TBC1D22A: variants seen among roughly 807,000 people sequenced by gnomAD.
The protein encoded by TBC1D22A is putative GTPase activator.
A neutral mutation model predicts 60.2 loss-of-function variants in TBC1D22A; 38 were observed. The ratio of observed to expected loss-of-function variants is 0.63; its 90% CI spans 0.49 to 0.83. TBC1D22A has a LOEUF of 0.83. Ranked by LOEUF, TBC1D22A falls within the 40% of genes least tolerant of loss-of-function variation. The pLI is 0.00. For synonymous variants in TBC1D22A, 302 were observed against 281.7 expected (o/e 1.07, Z -0.72); for missense variants, 628 against 701.0 (o/e 0.90, Z 1.18).
chr22:46,790,531 CCT>C (rs1227922020), intron 1 of TBC1D22A, among the ~76,000 whole-genome samples: 13 of 152,146 alleles, frequency 8.5e-5, no homozygotes. Flanking sequence ...AAGAAGGAAT[CCT>C]CTGTTTACAA....
At chr22:46,973,447 C>T (rs998038565) in intron 8 of TBC1D22A, among the ~76,000 whole-genome samples, 1 of 152,230 alleles carries the variant, frequency 6.6e-6, no homozygotes, top group East Asian at 1.9e-4. Context: ...CAGCATCATC[C>T]GTATCAGGAT....
chr22:47,085,781 C>T (rs1046213848), intron 11 of TBC1D22A, among the ~76,000 whole-genome samples: 2 of 152,112 alleles, frequency 1.3e-5, no homozygotes, highest in Admixed American at 6.5e-5. Context: ...AAAAAAGGGC[C>T]AAGGATTCAA....
chr22:46,805,008 TG>T (rs1420979986), intron 4 of TBC1D22A, among the ~76,000 whole-genome samples: 8 of 152,218 alleles, frequency 5.3e-5, no homozygotes, highest in African/African-American at 1.9e-4. Flanking sequence ...AGGGCGAGTA[TG>T]GCAGGATCCC....
chr22:47,079,167 A>C (rs1372365545), intron 11 of TBC1D22A, among the ~76,000 whole-genome samples: 1 of 149,292 alleles, frequency 6.7e-6, no homozygotes, highest in South Asian at 2.1e-4. Context: ...GCTCACTGCA[A>C]CTTCCACCTC....
intron 12 of TBC1D22A, among the ~76,000 whole-genome samples, chr22:47,120,445 A>T (rs1273061187): frequency 1.3e-5 from 2 of 152,208 alleles, no homozygotes; most frequent in Non-Finnish European, 2.9e-5. Context: ...CACAACATGG[A>T]TATTAACAAA....
At chr22:47,047,102 G>A (rs1268902322) in intron 11 of TBC1D22A, among the ~76,000 whole-genome samples, 2 of 152,230 alleles carry the variant, frequency 1.3e-5, no homozygotes, top group Non-Finnish European at 2.9e-5. Context: ...TTTGCTGTGA[G>A]GATTTGTGTT....
At chr22:47,070,134 C>T (rs1304281442) in intron 11 of TBC1D22A, among the ~76,000 whole-genome samples, 1 of 145,506 alleles carries the variant, frequency 6.9e-6, no homozygotes, top group Non-Finnish European at 1.5e-5. Context: ...GAGACTGTTC[C>T]CTGTTGTTTG....
chr22:46,807,193 G>T (rs191483119), intron 4 of TBC1D22A, among the ~76,000 whole-genome samples: 70 of 152,244 alleles, frequency 4.6e-4, no homozygotes, highest in African/African-American at 1.6e-3. Flanking sequence ...AACGATGGAG[G>T]ATCAACAGCA....
rs139839482 is a variant in TBC1D22A, at chr22:46,894,809, G to A, written c.863G>A (p.Ser288Asn). Residue 288 changes from serine to asparagine, a missense_variant, in exon 7 of 13, where the codon AGC becomes AAC. Physicochemically the swap from Ser to Asn is conservative, Grantham distance 46. Coordinates refer to ENST00000337137, the MANE Select transcript of TBC1D22A (RefSeq NM_014346.5). ...ATCCACATAGACATCCCTCGCATGA[G>A]CCCTGAAGCGTTGATCCTGCAGCCC... ...RQIHIDIPRM[S>N]PEALILQPKV... is the part of the protein sequence containing the mutation. The A allele has an allele frequency of 2.1e-4, 333 of 1,614,106 alleles. No homozygotes were observed. The highest frequency in any genetic ancestry group is 2.5e-4 in the Non-Finnish European group (299 of 1,180,050).
At position 47,060,534 on chromosome 22, in the gene TBC1D22A, G is replaced by A. The variant is rs185654968; in HGVS notation, c.1329+23336G>A. Among the ~76,000 whole-genome samples the A allele has an allele frequency of 4.1e-3, 620 of 152,230 alleles. 3 individuals are homozygous for A. Among genetic ancestry groups the A allele is most frequent in the African/African-American group, 0.014 (563 of 41,554 alleles). On this transcript the variant is annotated intron_variant, in intron 11 of 12. Transcript: ENST00000337137. ...CAACCTCCGCTTCCCGGGTTCAAAC[G>A]ATTCTCCTACCTCAGCCTCCCGAGT...
At chr22:46,961,122 A>C (rs2073483044) in intron 8 of TBC1D22A, among the ~76,000 whole-genome samples, 1 of 151,854 alleles carries the variant, frequency 6.6e-6, no homozygotes, top group Non-Finnish European at 1.5e-5. Flanking sequence ...TTTTCTTGGT[A>C]ATTAGTGTCA....
intron 6 of TBC1D22A, among the ~76,000 whole-genome samples, chr22:46,893,920 A>G (rs1218164825): frequency 2.0e-5 from 3 of 152,242 alleles, no homozygotes; most frequent in Non-Finnish European, 4.4e-5. Flanking sequence ...TGGAGCAGGC[A>G]TTTTGTAGAC....
chr22:46,889,959 A>G (rs1268132194), intron 5 of TBC1D22A, among the ~76,000 whole-genome samples: 1 of 152,250 alleles, frequency 6.6e-6, no homozygotes, highest in Non-Finnish European at 1.5e-5. Flanking sequence ...CTGATTGCTT[A>G]AAATGGGTGC....
chr22:46,971,263 G>A lies in TBC1D22A; in HGVS notation c.1016-3027G>A, dbSNP rs183109520. On this transcript the variant is annotated intron_variant, in intron 8 of 12. Coordinates refer to ENST00000337137, the MANE Select transcript of TBC1D22A (RefSeq NM_014346.5). ...AGAGCGAGGCTCCTGCCTGGCTCAC[G>A]CGGCGCCTGGCTCTGCGAGTCGGAG... is the stretch of plus-strand genomic sequence containing the variant. 1.1e-4 allele frequency among the ~76,000 whole-genome samples: 16 copies of A among 152,308 alleles called. No homozygotes were observed. The East Asian group carries it at 3.1e-3, about 29-fold the overall frequency.
chr22:46,789,194 C>G (rs796430500), intron 1 of TBC1D22A: 7 of 166,636 alleles, frequency 4.2e-5, no homozygotes, highest in Non-Finnish European at 6.5e-5. Flanking sequence ...GGCGCAATCT[C>G]GGCTCACTAC....
chr22:47,074,013 C>T (rs554117822), intron 11 of TBC1D22A, among the ~76,000 whole-genome samples: 5 of 152,238 alleles, frequency 3.3e-5, no homozygotes, highest in South Asian at 2.1e-4. Context: ...CTCAGCTACT[C>T]GGGAGGATCA....
chr22:46,899,747 C>G (rs989094580), intron 7 of TBC1D22A, among the ~76,000 whole-genome samples: 3 of 152,072 alleles, frequency 2.0e-5, no homozygotes, highest in Non-Finnish European at 4.4e-5. Flanking sequence ...AATGCCATAC[C>G]CCCACTTTAA....
chr22:47,109,169 T>G lies in TBC1D22A; in HGVS notation c.1330-2339T>G, dbSNP rs555759755. Among the ~76,000 whole-genome samples the G allele has an allele frequency of 7.9e-5, 12 of 152,314 alleles. No individual in the cohort carries two copies. The East Asian group carries it at 2.1e-3, about 27-fold the overall frequency. On this transcript the variant is annotated intron_variant, in intron 11 of 12. Coordinates refer to ENST00000337137, the MANE Select transcript of TBC1D22A (RefSeq NM_014346.5). ...AGAGGTCATAAGTATTTGTACTGTTTAGTACACCAGGAAGAGAAAACAATT... is the reference window on the plus strand; with the variant it reads ...AGAGGTCATAAGTATTTGTACTGTTGAGTACACCAGGAAGAGAAAACAATT...
chr22:47,119,968 C>T lies in TBC1D22A; in HGVS notation c.1425+8365C>T, dbSNP rs28513199. On this transcript the variant is annotated intron_variant, in intron 12 of 12. Coordinates refer to ENST00000337137, the MANE Select transcript of TBC1D22A (RefSeq NM_014346.5). ...TGGGCGCTCCCATCAGCCTCCTTCA[C>T]GGCACCCATCCCATTCATGAGGCCT... 2.7e-3 allele frequency among the ~76,000 whole-genome samples: 405 copies of T among 152,244 alleles called. 2 individuals carry two copies. Among genetic ancestry groups the T allele is most frequent in the African/African-American group, 9.3e-3 (388 of 41,536 alleles).
Sources: allele counts gnomAD v4.1 joint callset (sites outside exome capture counted in the v4.1 genomes callset), GRCh38; gene constraint gnomAD v4.1.1; transcripts MANE v1.5; gene names NCBI Gene and HGNC (gene_info 2026-07-23, HGNC 2026-07-21).